GBF1: variants seen among roughly 807,000 people sequenced by gnomAD.
GBF1 encodes the protein Golgi-specific brefeldin A-resistance guanine nucleotide exchange factor 1.
Under a neutral mutation model 210.5 loss-of-function variants are expected in GBF1, and 114 were observed. The ratio of observed to expected loss-of-function variants is 0.54; its 90% CI spans 0.47 to 0.63. The LOEUF (loss-of-function observed/expected upper bound fraction) is 0.63, where lower values mean the gene tolerates loss of function less well. GBF1 is among the 30% of genes least tolerant of loss of function. The pLI is 0.00. For missense variants in GBF1, 1,851 were observed against 2,357.7 expected (o/e 0.79, Z 4.45); for synonymous variants, 850 against 889.2 (o/e 0.96, Z 0.78).
intron 3 of GBF1, among the ~76,000 whole-genome samples, chr10:102,299,117 A>G (rs1363628943): frequency 6.6e-6 from 1 of 152,226 alleles, no homozygotes; most frequent in African/African-American, 2.4e-5. Flanking sequence ...CTGTACTTTA[A>G]GTGCCTTATG....
chr10:102,245,322 A>G (rs1590417497), upstream of GBF1, among the ~76,000 whole-genome samples: 1 of 152,064 alleles, frequency 6.6e-6, no homozygotes, highest in East Asian at 1.9e-4. Flanking sequence ...TTAAACTGTC[A>G]CTCAGAGAGT....
chr10:102,243,909 C>A (rs560871933), upstream of GBF1, among the ~76,000 whole-genome samples: 2 of 152,244 alleles, frequency 1.3e-5, no homozygotes, highest in East Asian at 3.9e-4. Flanking sequence ...GCGGGTGGAT[C>A]ACCTGAGGTC....
upstream of GBF1, among the ~76,000 whole-genome samples, chr10:102,242,564 A>G (rs1164826763): frequency 2.6e-5 from 4 of 152,218 alleles, no homozygotes; most frequent in Admixed American, 1.3e-4. Context: ...TCTCTGACTT[A>G]GGCCTCAATT....
At chr10:102,298,768 C>T (rs1376169875) in intron 3 of GBF1, among the ~76,000 whole-genome samples, 2 of 152,186 alleles carry the variant, frequency 1.3e-5, no homozygotes, top group Non-Finnish European at 2.9e-5. Context: ...TAGTAAGTCA[C>T]AGAAGTGGGA....
intron 33 of GBF1, among the ~76,000 whole-genome samples, chr10:102,379,032 T>C (rs530167074): frequency 2.3e-4 from 35 of 152,274 alleles, no homozygotes; most frequent in Admixed American, 1.0e-3. Context: ...TGAGTAAGGA[T>C]TGTGAAATAC....
chr10:102,344,424 A>G (rs924358532), intron 4 of GBF1, among the ~76,000 whole-genome samples: 2 of 152,218 alleles, frequency 1.3e-5, no homozygotes, highest in African/African-American at 4.8e-5. Flanking sequence ...TGCTTTGGAA[A>G]GAGTTAAGGG....
chr10:102,262,399 A>G (rs2073352055), intron 3 of GBF1, among the ~76,000 whole-genome samples: 1 of 152,202 alleles, frequency 6.6e-6, no homozygotes, highest in South Asian at 2.1e-4. Context: ...AGGAAATATA[A>G]TGAATGGAGA....
At chr10:102,298,062 G>A (rs2077049756) in intron 3 of GBF1, among the ~76,000 whole-genome samples, 1 of 152,074 alleles carries the variant, frequency 6.6e-6, no homozygotes, top group South Asian at 2.1e-4. Context: ...AGCCTCCCGA[G>A]TAGCTGGGAT....
In GBF1 at chr10:102,366,247, A is replaced by C; in HGVS notation, c.2310-136A>C. On this transcript the variant is annotated intron_variant, in intron 18 of 39. Transcript: ENST00000369983. The surrounding 1 kb of genome is among the most constrained non-coding windows in gnomAD (Gnocchi z 4.0). ...GCTAGGGGTTGTGTTAGGGATGAAC[A>C]GGAGATACTGCCCCTTTACTAGAGA... is the stretch of plus-strand genomic sequence containing the variant. The C allele has an allele frequency of 5.0e-6, 4 of 799,404 alleles. No homozygotes were observed. The highest frequency in any genetic ancestry group is 1.6e-5 in the South Asian group (1 of 61,744). The allele number at this position is 799,404 out of a possible 1,614,324, so 49.5% of individuals were successfully genotyped here. A position where few individuals can be genotyped will look rare whatever the true frequency, so the allele number is the denominator to read the frequency against.
intron 3 of GBF1, among the ~76,000 whole-genome samples, chr10:102,336,467 G>T (rs2057754343): frequency 6.6e-6 from 1 of 152,144 alleles, no homozygotes; most frequent in South Asian, 2.1e-4. Flanking sequence ...TGCATCAAAT[G>T]AGATAGTGTG....
intron 3 of GBF1, among the ~76,000 whole-genome samples, chr10:102,299,836 A>C (rs1235168649): frequency 6.6e-6 from 1 of 152,222 alleles, no homozygotes; most frequent in Non-Finnish European, 1.5e-5. Context: ...AAACCTACAC[A>C]TACCTGTGTA....
chr10:102,280,965 TC>T (rs1251480920), intron 3 of GBF1, among the ~76,000 whole-genome samples: 5 of 152,196 alleles, frequency 3.3e-5, no homozygotes, highest in African/African-American at 1.2e-4. Context: ...TTCTTCTTTT[TC>T]TTTTTTTTCC....
the GBF1 span, among the ~76,000 whole-genome samples, chr10:102,237,337 G>T: frequency 6.6e-6 from 1 of 152,098 alleles, no homozygotes; most frequent in East Asian, 1.9e-4. Flanking sequence ...AAGAGAAGGG[G>T]TATGGCATTC....
the GBF1 span, chr10:102,230,742 C>G: frequency 6.7e-7 from 1 of 1,486,506 alleles, no homozygotes; most frequent in Non-Finnish European, 8.9e-7. Context: ...ACACGGCGGC[C>G]GGAGCCAGCC....
At chr10:102,361,996 A>G in intron 14 of GBF1, 84 bp downstream of exon 14, 1 of 601,450 alleles carries the variant, frequency 1.7e-6, no homozygotes, top group Non-Finnish European at 2.7e-6. Flanking sequence ...TTACATACAG[A>G]GAGGGGAACA....
chr10:102,248,784 G>A (rs1299314507), intron 1 of GBF1, among the ~76,000 whole-genome samples: 2 of 152,028 alleles, frequency 1.3e-5, no homozygotes, highest in Non-Finnish European at 2.9e-5. Context: ...ACAGATGTGC[G>A]CCATCATGCC....
chr10:102,333,772 C>CTT (rs1233859786), intron 3 of GBF1, among the ~76,000 whole-genome samples: 1 of 152,154 alleles, frequency 6.6e-6, no homozygotes, highest in African/African-American at 2.4e-5. Context: ...AAGAACACAG[C>CTT]TTCTTCCTAC....
At chr10:102,281,247 G>C (rs2075446386) in intron 3 of GBF1, among the ~76,000 whole-genome samples, 1 of 152,094 alleles carries the variant, frequency 6.6e-6, no homozygotes. Flanking sequence ...ATTACGTAAA[G>C]AAAATCAACT....
chr10:102,288,126 C>T (rs982304052), intron 3 of GBF1, among the ~76,000 whole-genome samples: 6 of 152,156 alleles, frequency 3.9e-5, no homozygotes, highest in Non-Finnish European at 5.9e-5. Context: ...TAAGCATGAT[C>T]GATCTACCTC....
Sources: allele counts gnomAD v4.1 joint callset (sites outside exome capture counted in the v4.1 genomes callset), GRCh38; gene constraint gnomAD v4.1.1; non-coding constraint Gnocchi (gnomAD v3.1); transcripts MANE v1.5; gene names NCBI Gene and HGNC (gene_info 2026-07-23, HGNC 2026-07-21).